The following FAM118B variants were observed in gnomAD, a reference collection of about 807,000 sequenced individuals.
The protein encoded by FAM118B is protein FAM118B.
A neutral mutation model predicts 38.5 loss-of-function variants in FAM118B; 24 were observed. That is an observed-to-expected ratio of 0.62 (90% confidence interval 0.45 to 0.88). FAM118B has a LOEUF of 0.88. Ranked by LOEUF, FAM118B falls within the 40% of genes least tolerant of loss-of-function variation. FAM118B has a pLI of 0.00. For missense variants in FAM118B, 334 were observed against 420.0 expected (o/e 0.80, Z 1.79); for synonymous variants, 138 against 156.3 (o/e 0.88, Z 0.87).
intron 1 of FAM118B, among the ~76,000 whole-genome samples, chr11:126,218,202 C>G (rs933836690): frequency 5.9e-5 from 9 of 152,300 alleles, no homozygotes; most frequent in African/African-American, 2.2e-4. Flanking sequence ...TCAGAGGGCC[C>G]GCTGGAGTAT....
chr11:126,219,493 A>AG (rs1480924505), intron 1 of FAM118B, among the ~76,000 whole-genome samples: 1 of 150,464 alleles, frequency 6.6e-6, no homozygotes, highest in Non-Finnish European at 1.5e-5. Flanking sequence ...CCTCCCAAGT[A>AG]GCTGGGACCA....
At chr11:126,221,903 G>T (rs1049627416) in intron 1 of FAM118B, among the ~76,000 whole-genome samples, 1 of 152,032 alleles carries the variant, frequency 6.6e-6, no homozygotes, top group African/African-American at 2.4e-5. Context: ...AGCTTTCCTT[G>T]ATTTTCCTCA....
chr11:126,216,981 G>A (rs564942645), intron 1 of FAM118B, among the ~76,000 whole-genome samples: 2 of 152,260 alleles, frequency 1.3e-5, no homozygotes, highest in African/African-American at 4.8e-5. Flanking sequence ...ACAGGACGCT[G>A]TCTATGCCAT....
intron 1 of FAM118B, among the ~76,000 whole-genome samples, chr11:126,226,159 G>C: frequency 7.3e-6 from 1 of 136,454 alleles, no homozygotes; most frequent in African/African-American, 2.8e-5. Context: ...GGCCAGAAAG[G>C]AACGTGGCGC....
At chr11:126,231,067 G>C (rs1180810117) in intron 2 of FAM118B, among the ~76,000 whole-genome samples, 1 of 152,144 alleles carries the variant, frequency 6.6e-6, no homozygotes. Flanking sequence ...CAAAGTACAA[G>C]TGTTCTGTCT....
At chr11:126,234,451 A>G (rs1439105043) in intron 2 of FAM118B, among the ~76,000 whole-genome samples, 2 of 152,226 alleles carry the variant, frequency 1.3e-5, no homozygotes, top group Non-Finnish European at 2.9e-5. Context: ...CTTCATGTTT[A>G]GTTAGAGAGA....
rs751183926 is a variant in FAM118B at position 126,253,936 on chromosome 11, G to A, written c.568-369G>A. Among the ~76,000 whole-genome samples, 8 of 152,186 alleles carry A rather than the reference G, an allele frequency of 5.3e-5. No homozygotes were observed. Among genetic ancestry groups the A allele is most frequent in the East Asian group, 1.9e-4 (1 of 5,198 alleles). On this transcript the variant is annotated intron_variant, in intron 5 of 8. Coordinates refer to ENST00000533050, the MANE Select transcript of FAM118B (RefSeq NM_024556.4). The surrounding 1 kb of genome is among the most constrained non-coding windows in gnomAD (Gnocchi z 5.1). ...CATGTGGTTAGCCTGGAGTCACTCC[G>A]AAGAGGGGCCACACAAGGGCCTGGA... is the stretch of plus-strand genomic sequence containing the variant.
chr11:126,212,963 G>A (rs1949908915), intron 1 of FAM118B, among the ~76,000 whole-genome samples: 1 of 152,120 alleles, frequency 6.6e-6, no homozygotes, highest in South Asian at 2.1e-4. Context: ...TTGATAGTGG[G>A]GAAGGAAAGG....
At chr11:126,225,661 G>A (rs147604513) in intron 1 of FAM118B, among the ~76,000 whole-genome samples, 1 of 152,298 alleles carries the variant, frequency 6.6e-6, no homozygotes. Context: ...CTGAGTTGCT[G>A]TTCATTGTTT....
In FAM118B at chr11:126,250,656, T is replaced by A. The variant is rs1269796486; in HGVS notation, c.490T>A (p.Phe164Ile). Reference sequence around the variant, plus strand: ...TGGAGCCCTCGTATTAACTACAAATTTTGATAATCTCTTGGAACTGTATGC... The same window carrying A: ...TGGAGCCCTCGTATTAACTACAAATATTGATAATCTCTTGGAACTGTATGC... Reference protein sequence around the residue: ...ENGALVLTTNFDNLLELYAAD... With the variant: ...ENGALVLTTNIDNLLELYAAD... The change falls in exon 5 of 9, where the codon TTT becomes ATT. Residue 164 changes from phenylalanine (F) to isoleucine (I), a missense_variant. Phe to Ile is a conservative substitution (Grantham distance 21). Around this residue, in one of 3 missense-constraint regions of FAM118B, gnomAD observed 240 missense variants for 295.9 expected, o/e 0.81. Transcript: ENST00000533050. This position sits in a 1 kb window ranked among gnomAD's most constrained non-coding sequence, Gnocchi z 5.1. 6.2e-7 allele frequency: 1 copy of A among 1,614,138 alleles called. No individual in the cohort carries two copies. The highest frequency in any genetic ancestry group is 1.1e-5 in the South Asian group (1 of 91,086).
Position 126,254,375 on chromosome 11 carries a change from G to T in FAM118B, c.638G>T (p.Ser213Ile). 2 of 1,614,234 alleles carry T rather than the reference G, an allele frequency of 1.2e-6. No homozygotes were observed. The highest frequency in any genetic ancestry group is 1.7e-6 in the Non-Finnish European group (2 of 1,180,044). ...LHIHGVYTNP[S>I]GIVLHPAGYQ... ...ATTCACGGAGTCTACACCAACCCTA[G>T]TGGCATTGTCCTTCATCCGGCTGGA... The change falls in exon 6 of 9, where the codon AGT becomes ATT. Residue 213 changes from serine to isoleucine, a missense_variant. By Grantham distance (142) the Ser-to-Ile change is moderately radical. Transcript: ENST00000533050.
At chr11:126,238,618 G>A (rs1435084399) in intron 3 of FAM118B, among the ~76,000 whole-genome samples, 1 of 152,292 alleles carries the variant, frequency 6.6e-6, no homozygotes, top group South Asian at 2.1e-4. Context: ...TCAGCTGTGT[G>A]CAGTGTTCTC....
Position 126,256,447 on chromosome 11 carries a change from C to A in FAM118B, c.697-120C>A. The A allele has an allele frequency of 1.2e-6, 1 of 810,000 alleles. No homozygotes were observed. The highest frequency in any genetic ancestry group is 1.9e-6 in the Non-Finnish European group (1 of 517,012). 50.2% of individuals were successfully genotyped at this position (810,000 alleles called of 1,614,324 possible). A position where few individuals can be genotyped will look rare whatever the true frequency, so the allele number is the denominator to read the frequency against. On this transcript the variant is annotated intron_variant, in intron 6 of 8. Coordinates refer to ENST00000533050, the MANE Select transcript of FAM118B (RefSeq NM_024556.4). This position sits in a 1 kb window ranked among gnomAD's most constrained non-coding sequence, Gnocchi z 6.6. ...CACACTCCTTGATGGGACATACCAA[C>A]CCACTTAAGTCTTGCTTAATTGGTC...
chr11:126,248,682 T>C (rs1180173718), intron 4 of FAM118B, among the ~76,000 whole-genome samples: 1 of 152,296 alleles, frequency 6.6e-6, no homozygotes, highest in East Asian at 1.9e-4. Flanking sequence ...GACTCGCTTT[T>C]ATAACTGACA....
chr11:126,222,898 T>G (rs1313536553), intron 1 of FAM118B, among the ~76,000 whole-genome samples: 1 of 152,208 alleles, frequency 6.6e-6, no homozygotes, highest in Non-Finnish European at 1.5e-5. Context: ...TTTATTCTTG[T>G]GGGAGAGGCC....
intron 1 of FAM118B, among the ~76,000 whole-genome samples, chr11:126,213,171 C>T (rs548036242): frequency 4.4e-4 from 67 of 152,008 alleles, no homozygotes; most frequent in African/African-American, 1.6e-3. Context: ...ATAGTAAACT[C>T]GATATCTGTT....
intron 4 of FAM118B, among the ~76,000 whole-genome samples, chr11:126,243,306 G>A (rs1431808579): frequency 6.6e-6 from 1 of 152,114 alleles, no homozygotes; most frequent in African/African-American, 2.4e-5. Flanking sequence ...GACATCAGAA[G>A]AAATGAAAAT....
intron 4 of FAM118B, among the ~76,000 whole-genome samples, chr11:126,242,514 T>C (rs192205546): frequency 3.3e-4 from 51 of 152,244 alleles, no homozygotes; most frequent in African/African-American, 9.1e-4. Context: ...ATATCCAGAA[T>C]CTATAAAGAA....
intron 1 of FAM118B, among the ~76,000 whole-genome samples, chr11:126,221,635 G>A (rs1950063902): frequency 6.6e-6 from 1 of 151,986 alleles, no homozygotes. Flanking sequence ...CGTTTTGGGA[G>A]TCCTTAGCGT....
Sources: gnomAD v4.1 joint callset for allele counts (sites outside exome capture counted in the v4.1 genomes callset) on GRCh38, gnomAD v4.1.1 for gene constraint, gnomAD v4.1.1 regional missense constraint, Gnocchi (gnomAD v3.1) non-coding constraint, MANE v1.5 for transcripts, NCBI Gene and HGNC (gene_info 2026-07-23, HGNC 2026-07-21) for gene names.